PCDHA13: variants seen among roughly 807,000 people sequenced by gnomAD.
PCDHA13 encodes protocadherin alpha-13.
A neutral mutation model predicts 64.8 loss-of-function variants in PCDHA13; 54 were observed. That is an observed-to-expected ratio of 0.83 (90% CI 0.67 to 1.04). The LOEUF is 1.04. Ranked by LOEUF, PCDHA13 falls within the 50% of genes least tolerant of loss-of-function variation. The probability of loss-of-function intolerance (pLI) is 0.00; values close to 1 mark genes in which losing one functional copy is unlikely to be tolerated. For synonymous variants in PCDHA13, 587 were observed against 564.4 expected (o/e 1.04, Z -0.57); for missense variants, 1,248 against 1,254.3 (o/e 0.99, Z 0.08).
At chr5:140,910,357 T>C (rs1394310433) in intron 1 of PCDHA13, among the ~76,000 whole-genome samples, 3 of 152,226 alleles carry the variant, frequency 2.0e-5, no homozygotes, top group African/African-American at 7.2e-5. Flanking sequence ...CTGTCCATTA[T>C]GGTAGCTATG....
At chr5:140,935,673 A>T (rs1462991962) in intron 1 of PCDHA13, among the ~76,000 whole-genome samples, 1 of 152,180 alleles carries the variant, frequency 6.6e-6, no homozygotes, top group Non-Finnish European at 1.5e-5. Flanking sequence ...AATTATGTGA[A>T]ATATTTACAT....
At chr5:140,978,405 A>G (rs919688095) in intron 1 of PCDHA13, among the ~76,000 whole-genome samples, 1 of 152,220 alleles carries the variant, frequency 6.6e-6, no homozygotes, top group Non-Finnish European at 1.5e-5. Context: ...TCCCTCTTCA[A>G]TCAGAAAAGA....
At chr5:140,888,260 A>G (rs563968634) in intron 1 of PCDHA13, among the ~76,000 whole-genome samples, 1 of 152,194 alleles carries the variant, frequency 6.6e-6, no homozygotes, top group South Asian at 2.1e-4. Flanking sequence ...GTAGTTCTTG[A>G]TAAGAAACAG....
intron 1 of PCDHA13, among the ~76,000 whole-genome samples, chr5:140,940,207 G>C (rs1554213216): frequency 2.6e-5 from 4 of 152,094 alleles, no homozygotes; most frequent in Non-Finnish European, 5.9e-5. Context: ...TAAAATTCAA[G>C]ATTGGCATTT....
chr5:140,925,124 A>AGGAAGGAAGGAAGGAAGGAAGG, intron 1 of PCDHA13, among the ~76,000 whole-genome samples: 1 of 151,856 alleles, frequency 6.6e-6, no homozygotes, highest in South Asian at 2.1e-4. Flanking sequence ...GAAGGAAGGA[A>AGGAAGGAAGGAAGGAAGGAAGG]AAAAAATTTC....
At chr5:140,963,146 T>C (rs1230280019) in intron 1 of PCDHA13, among the ~76,000 whole-genome samples, 2 of 152,074 alleles carry the variant, frequency 1.3e-5, no homozygotes, top group African/African-American at 4.8e-5. Flanking sequence ...TTTGGATGAA[T>C]TTAAAAATGA....
intron 1 of PCDHA13, chr5:140,928,909 C>T (rs1364728842): frequency 1.6e-5 from 26 of 1,614,034 alleles, no homozygotes; most frequent in Non-Finnish European, 2.1e-5. Flanking sequence ...TGTCTGGGAA[C>T]CAGGAGGGCA....
intron 3 of PCDHA13, among the ~76,000 whole-genome samples, chr5:140,985,689 C>A (rs1237077456): frequency 6.6e-6 from 1 of 151,906 alleles, no homozygotes; most frequent in African/African-American, 2.4e-5. Flanking sequence ...TTACGCTAAT[C>A]CTCGTTCATA....
intron 3 of PCDHA13, among the ~76,000 whole-genome samples, chr5:140,991,587 C>T (rs1469333893): frequency 1.3e-5 from 2 of 152,208 alleles, no homozygotes; most frequent in African/African-American, 2.4e-5. Flanking sequence ...CTTATTTCTA[C>T]CTGAGCCCTC....
At position 141,003,524 on chromosome 5, in the gene PCDHA13, G is replaced by T. The variant is rs2098128799; in HGVS notation, c.2543-6103G>T. On this transcript the variant is annotated intron_variant, in intron 3 of 3. Coordinates refer to ENST00000289272, the MANE Select transcript of PCDHA13 (RefSeq NM_018904.3). ...GATGGGGTTTCACCATGTTCCCTAG[G>T]CTGGTCTTGAACTCCTGGCTTCAAG... 4.6e-5 allele frequency among the ~76,000 whole-genome samples: 7 copies of T among 152,070 alleles called. No individual in the cohort carries two copies. In the South Asian group the frequency reaches 1.5e-3, roughly 32 times the overall value.
chr5:140,891,055 G>A (rs2062932146), intron 1 of PCDHA13, among the ~76,000 whole-genome samples: 1 of 152,142 alleles, frequency 6.6e-6, no homozygotes, highest in Admixed American at 6.5e-5. Context: ...ACAGCACATA[G>A]TAAATATTAT....
intron 1 of PCDHA13, among the ~76,000 whole-genome samples, chr5:140,952,252 A>T (rs1230858145): frequency 6.6e-6 from 1 of 151,034 alleles, no homozygotes; most frequent in Admixed American, 6.6e-5. Context: ...CTGCTGGTGG[A>T]TTCCCATTCT....
At chr5:140,965,033 T>C (rs1563339344) in intron 1 of PCDHA13, among the ~76,000 whole-genome samples, 2 of 152,192 alleles carry the variant, frequency 1.3e-5, no homozygotes, top group African/African-American at 4.8e-5. Flanking sequence ...CCTTTAACTG[T>C]CCGCTCTAGG....
chr5:140,976,952 C>T lies in PCDHA13; in HGVS notation c.2395-1997C>T, dbSNP rs183824. 1.8e-3 allele frequency among the ~76,000 whole-genome samples: 271 copies of T among 152,298 alleles called. 1 individual carries two copies. Among genetic ancestry groups the T allele is most frequent in the African/African-American group, 6.2e-3 (258 of 41,574 alleles). The stretch of plus-strand genomic sequence containing the variant: ...GTAGCTACTTAAAACATATTATATG[C>T]TTTCTTCCTTTCCTTTTCCCTGCCT... On this transcript the variant is annotated intron_variant, in intron 1 of 3. Coordinates refer to ENST00000289272, the MANE Select transcript of PCDHA13 (RefSeq NM_018904.3).
intron 1 of PCDHA13, chr5:140,966,557 G>T: frequency 2.1e-6 from 1 of 477,538 alleles, no homozygotes; most frequent in Non-Finnish European, 3.5e-6. Context: ...GAGCGGAGGA[G>T]CTGGAATATG....
chr5:140,917,328 GGA>G lies in PCDHA13; in HGVS notation c.2394+32668_2394+32669del, dbSNP rs371938358. On this transcript the variant is annotated intron_variant, in intron 1 of 3. Transcript: ENST00000289272. ...TACAATTTGGTGTTCATGTGGCGGGGGAGGGGGGGGATGGTGTAGGCTTCTGT... is the reference window on the plus strand; with the variant it reads ...TACAATTTGGTGTTCATGTGGCGGGGGGGGGGGGATGGTGTAGGCTTCTGT... 4.7e-4 allele frequency among the ~76,000 whole-genome samples: 70 copies of G among 148,990 alleles called. 3 individuals are homozygous for G. Among genetic ancestry groups the G allele is most frequent in the African/African-American group, 1.3e-3 (53 of 40,184 alleles).
chr5:140,998,681 C>G (rs978884535), intron 3 of PCDHA13, among the ~76,000 whole-genome samples: 42 of 152,038 alleles, frequency 2.8e-4, no homozygotes, highest in Non-Finnish European at 1.6e-4. Context: ...TCTCCTGCCT[C>G]AGCCTCCCAA....
chr5:140,904,926 A>G (rs1459530811), intron 1 of PCDHA13, among the ~76,000 whole-genome samples: 1 of 152,130 alleles, frequency 6.6e-6, no homozygotes, highest in Admixed American at 6.5e-5. Context: ...ACTTCCTTGT[A>G]GGTTCTGGAT....
At chr5:140,969,994 CAGAG>C (rs1406079395) in intron 1 of PCDHA13, among the ~76,000 whole-genome samples, 2 of 152,032 alleles carry the variant, frequency 1.3e-5, no homozygotes, top group Non-Finnish European at 1.5e-5. Context: ...AGAGGGCTGT[CAGAG>C]GGAGTGGATG....
Sources: gnomAD v4.1 joint callset for allele counts (sites outside exome capture counted in the v4.1 genomes callset) on GRCh38, gnomAD v4.1.1 for gene constraint, MANE v1.5 for transcripts, NCBI Gene and HGNC (gene_info 2026-07-23, HGNC 2026-07-21) for gene names.